CRAMP1: variants seen among roughly 807,000 people sequenced by gnomAD.
The protein encoded by CRAMP1 is cramped chromatin regulator 1.
CRAMP1 carries 50 observed loss-of-function variants against 115.4 expected under a neutral mutation model. The observed-to-expected ratio is 0.43, with a 90% CI of 0.35 to 0.55. The LOEUF (loss-of-function observed/expected upper bound fraction) is 0.55. Among genes scored for constraint, CRAMP1 ranks in the 20% least tolerant of loss-of-function variants. The pLI, the probability that CRAMP1 is intolerant of heterozygous loss-of-function variation, is 0.01. For missense variants in CRAMP1, 1,679 were observed against 1,721.7 expected, an observed-to-expected ratio of 0.98 and a Z score of 0.44; for synonymous variants, 866 against 745.4, an observed-to-expected ratio of 1.16 and a Z score of -2.64.
In CRAMP1 at chr16:1,666,538, G is replaced by A. The variant is rs1443838044; in HGVS notation, c.2974G>A (p.Ala992Thr). 6.2e-7 allele frequency: 1 copy of A among 1,613,876 alleles called. No individual in the cohort carries two copies. The highest frequency in any genetic ancestry group is 8.5e-7 in the Non-Finnish European group (1 of 1,179,894). The change falls in exon 16 of 21, where the codon GCC becomes ACC. Residue 992 changes from alanine (A) to threonine (T), a missense_variant. Ala to Thr is a moderately conservative substitution (Grantham distance 58). Transcript: ENST00000397412. The surrounding 1 kb of genome is among the most constrained non-coding windows in gnomAD (Gnocchi z 5.0). ...ACTGTCTTCAGACGAGGTGACGGGT[G>A]CCATCTCGGGGCAGGACTCTACTGG... ...SPLSSDEVTGAISGQDSTGTH... is the reference protein window; with the variant it reads ...SPLSSDEVTGTISGQDSTGTH...
Position 1,669,192 on chromosome 16 carries a change from T to G in CRAMP1, c.3499+27T>G. 6.5e-7 allele frequency: 1 copy of G among 1,531,580 alleles called. No homozygotes were observed. The highest frequency in any genetic ancestry group is 8.8e-7 in the Non-Finnish European group (1 of 1,138,178). The allele number at this position is 1,531,580 out of a possible 1,614,324, so 94.9% of individuals were successfully genotyped here. Reference sequence around the variant, plus strand: ...TGAGTGTATGGGGAGGGCTCCCATCTCCTTTTCCAGGGCAGCAGGGGCTGG... The same window carrying G: ...TGAGTGTATGGGGAGGGCTCCCATCGCCTTTTCCAGGGCAGCAGGGGCTGG... On this transcript the variant is annotated intron_variant, in intron 19 of 20. Coordinates refer to ENST00000397412, the MANE Select transcript of CRAMP1 (RefSeq NM_020825.4). The surrounding 1 kb of genome is among the most constrained non-coding windows in gnomAD (Gnocchi z 4.6).
intron 3 of CRAMP1, 34 bp from the exon 4 acceptor site, chr16:1,632,177 AC>A: frequency 6.5e-7 from 1 of 1,544,296 alleles, no homozygotes; most frequent in Non-Finnish European, 8.8e-7. Context: ...CATTGTTTTA[AC>A]CCCTCTACAT....
rs1044666496 is a variant in CRAMP1 at position 1,666,042 on chromosome 16, G to A, written c.2753-31G>A. On this transcript the variant is annotated intron_variant, in intron 14 of 20. Coordinates refer to ENST00000397412, the MANE Select transcript of CRAMP1 (RefSeq NM_020825.4). The surrounding 1 kb of genome is among the most constrained non-coding windows in gnomAD (Gnocchi z 5.0). ...CTGTGAGGGCATGGCGGGCGGGCTC[G>A]ACATGTCTGCTTTTGCCCTCGCCCT... 1.1e-5 allele frequency: 16 copies of A among 1,474,118 alleles called. No homozygotes were observed. Among genetic ancestry groups the A allele is most frequent in the African/African-American group, 4.2e-5 (3 of 71,476 alleles). 91.3% of individuals were successfully genotyped at this position (1,474,118 alleles called of 1,614,324 possible). A position where few individuals can be genotyped will look rare whatever the true frequency, so the allele number is the denominator to read the frequency against.
intron 6 of CRAMP1, chr16:1,645,367 T>C (rs2036665797): frequency 7.9e-6 from 2 of 254,100 alleles, no homozygotes; most frequent in African/African-American, 2.4e-5. Flanking sequence ...TTTATATTTT[T>C]AGTACAGACG....
At chr16:1,641,379 C>G (rs1357695238) in intron 6 of CRAMP1, among the ~76,000 whole-genome samples, 192 bp downstream of exon 6, 1 of 152,196 alleles carries the variant, frequency 6.6e-6, no homozygotes, top group Non-Finnish European at 1.5e-5. Context: ...CCTGTGCCTG[C>G]CCCGGGGAGG....
chr16:1,633,354 C>T (rs893720624), intron 4 of CRAMP1, among the ~76,000 whole-genome samples: 3 of 152,256 alleles, frequency 2.0e-5, no homozygotes, highest in Non-Finnish European at 4.4e-5. Context: ...CAGCTAGCTT[C>T]TCCACTGAAG....
intron 11 of CRAMP1, among the ~76,000 whole-genome samples, chr16:1,661,149 C>T (rs2036825872): frequency 1.3e-5 from 2 of 152,142 alleles, no homozygotes; most frequent in Non-Finnish European, 2.9e-5. Flanking sequence ...GACCCCATCT[C>T]TACAAAATAT....
rs747072572 is a variant in CRAMP1 at position 1,656,048 on chromosome 16, C to T, written c.1291C>T (p.Arg431Trp). The stretch of plus-strand genomic sequence containing the variant: ...CACAGTGCACTGGCAGGAGGGCGGC[C>T]GGTGCAAGCAGAGTGCCAAGGACGC... ...FCTVHWQEGGRCKQSAKDAHV... is the reference protein window; with the variant it reads ...FCTVHWQEGGWCKQSAKDAHV... The change falls in exon 10 of 21, where the codon CGG becomes TGG. Residue 431 changes from arginine to tryptophan, a missense_variant. Arg to Trp is a moderately radical substitution (Grantham distance 101, BLOSUM62 -3). Around this residue, in one of 8 missense-constraint regions of CRAMP1, gnomAD observed 191 missense variants for 236.2 expected, o/e 0.81. Coordinates refer to ENST00000397412, the MANE Select transcript of CRAMP1 (RefSeq NM_020825.4). The surrounding 1 kb of genome is among the most constrained non-coding windows in gnomAD (Gnocchi z 5.6). 8 of 1,611,522 alleles carry T rather than the reference C, an allele frequency of 5.0e-6. No homozygotes were observed. The highest frequency in any genetic ancestry group is 2.7e-5 in the African/African-American group (2 of 74,930).
chr16:1,653,086 A>G lies in CRAMP1; in HGVS notation c.967A>G (p.Ile323Val), dbSNP rs1480430024. Reference protein sequence around the residue: ...KPVRLPLKVPIELQPRNNHAW... With the variant: ...KPVRLPLKVPVELQPRNNHAW... ...AGTGCGCCTGCCTCTGAAAGTCCCT[A>G]TAGAGCTACAGCCGCGGAACAACCA... The change falls in exon 8 of 21, where the codon ATA becomes GTA. Residue 323 changes from isoleucine to valine, a missense_variant. Ile to Val is a conservative substitution (Grantham distance 29, BLOSUM62 3). Coordinates refer to ENST00000397412, the MANE Select transcript of CRAMP1 (RefSeq NM_020825.4). 9 of 1,613,174 alleles carry G rather than the reference A, an allele frequency of 5.6e-6. No individual in the cohort carries two copies. Among genetic ancestry groups the G allele is most frequent in the African/African-American group, 4.0e-5 (3 of 74,910 alleles).
Position 1,659,867 on chromosome 16 carries a change from T to TAAAC in CRAMP1, c.2236-19_2236-18insAAAC. On this transcript the variant is annotated intron_variant, in intron 10 of 20. Coordinates refer to ENST00000397412, the MANE Select transcript of CRAMP1 (RefSeq NM_020825.4). ...TCATGTGCTGAGTTTGGACATTGTT[T>TAAAC]GGCCCATTTCTGTCCTAGGCTCTGG... is the stretch of plus-strand genomic sequence containing the variant. 6.2e-7 allele frequency: 1 copy of TAAAC among 1,612,358 alleles called. No homozygotes were observed. The highest frequency in any genetic ancestry group is 8.5e-7 in the Non-Finnish European group (1 of 1,179,072).
At chr16:1,637,254 A>G (rs1208153396) in intron 4 of CRAMP1, among the ~76,000 whole-genome samples, 11 of 151,712 alleles carry the variant, frequency 7.3e-5, no homozygotes, top group African/African-American at 1.9e-4. Context: ...AGATCATGCC[A>G]CTGCACTCCA....
At chr16:1,634,553 C>T (rs1017976100) in intron 4 of CRAMP1, among the ~76,000 whole-genome samples, 3 of 152,166 alleles carry the variant, frequency 2.0e-5, no homozygotes, top group African/African-American at 7.2e-5. Flanking sequence ...CCTGTGCTTC[C>T]CTCTCTTCCT....
intron 6 of CRAMP1, among the ~76,000 whole-genome samples, chr16:1,642,410 G>A (rs538611042): frequency 6.6e-6 from 1 of 152,332 alleles, no homozygotes; most frequent in East Asian, 1.9e-4. Context: ...GCCAACGACT[G>A]TAACTGGGTG....
chr16:1,614,547 A>G lies in CRAMP1; in HGVS notation c.-1-92A>G, dbSNP rs1042852826. The G allele has an allele frequency of 1.3e-6, 1 of 772,190 alleles. No homozygotes were observed. The highest frequency in any genetic ancestry group is 1.9e-5 in the African/African-American group (1 of 53,974). The allele number at this position is 772,190 out of a possible 1,614,324, so 47.8% of individuals were successfully genotyped here. On this transcript the variant is annotated intron_variant, in intron 1 of 20. Transcript: ENST00000397412. This position sits in a 1 kb window ranked among gnomAD's most constrained non-coding sequence, Gnocchi z 4.4. ...AGCCGCCGAGAGGGGATTTGGAACA[A>G]ACAACGGCGGCCATGTTGAGAGCGC...
chr16:1,649,691 G>A (rs1314530650), intron 6 of CRAMP1, among the ~76,000 whole-genome samples: 4 of 150,782 alleles, frequency 2.7e-5, no homozygotes, highest in East Asian at 2.0e-4. Context: ...GGGTTTCACC[G>A]TGTTAACCAG....
rs2142207080 is a variant in CRAMP1, at chr16:1,666,709, GTC to G, written c.3036+113_3036+114del. The stretch of plus-strand genomic sequence containing the variant: ...ACTCCAGCTCTGCCTTTGGAGGAGA[GTC>G]TCTGGACCAGGGGTGCCATGGCATA... On this transcript the variant is annotated intron_variant, in intron 16 of 20. Coordinates refer to ENST00000397412, the MANE Select transcript of CRAMP1 (RefSeq NM_020825.4). This position sits in a 1 kb window ranked among gnomAD's most constrained non-coding sequence, Gnocchi z 5.0. 1 of 1,052,708 alleles carries G rather than the reference GTC, an allele frequency of 9.5e-7. No individual in the cohort carries two copies. Among genetic ancestry groups the G allele is most frequent in the Middle Eastern group, 3.0e-4 (1 of 3,334 alleles). The allele number at this position is 1,052,708 out of a possible 1,614,324, so 65.2% of individuals were successfully genotyped here.
intron 6 of CRAMP1, among the ~76,000 whole-genome samples, chr16:1,647,360 C>T (rs1043499428): frequency 1.3e-5 from 2 of 152,170 alleles, no homozygotes; most frequent in African/African-American, 4.8e-5. Flanking sequence ...GTATCCGAAA[C>T]GAAAGCCAGG....
At chr16:1,641,893 CTG>C (rs1351288394) in intron 6 of CRAMP1, among the ~76,000 whole-genome samples, 1 of 150,764 alleles carries the variant, frequency 6.6e-6, no homozygotes, top group Non-Finnish European at 1.5e-5. Context: ...GGTCCCCACT[CTG>C]GAGCCTGGGG....
chr16:1,636,766 A>G (rs1178377391), intron 4 of CRAMP1, among the ~76,000 whole-genome samples: 1 of 152,230 alleles, frequency 6.6e-6, no homozygotes, highest in African/African-American at 2.4e-5. Context: ...CGTGGCAGAG[A>G]CGCCTAGAGG....
Sources: gnomAD v4.1 joint callset for allele counts (sites outside exome capture counted in the v4.1 genomes callset) on GRCh38, gnomAD v4.1.1 for gene constraint, gnomAD v4.1.1 regional missense constraint, Gnocchi (gnomAD v3.1) non-coding constraint, MANE v1.5 for transcripts, NCBI Gene and HGNC (gene_info 2026-07-23, HGNC 2026-07-21) for gene names.